PPP2R5A: variants seen among roughly 807,000 people sequenced by gnomAD.
PPP2R5A encodes protein phosphatase 2 regulatory subunit B'alpha.
PPP2R5A carries 25 observed loss-of-function variants against 64.2 expected under a neutral mutation model. The ratio of observed to expected loss-of-function variants is 0.39; its 90% CI spans 0.28 to 0.54. PPP2R5A has a LOEUF of 0.54. PPP2R5A is among the 20% of genes least tolerant of loss of function. PPP2R5A has a pLI of 0.67. For missense variants in PPP2R5A, 425 were observed against 576.3 expected (o/e 0.74, Z 2.69); for synonymous variants, 198 against 201.2 (o/e 0.98, Z 0.13).
At chr1:212,338,786 C>A (rs1209672004) in intron 3 of PPP2R5A, among the ~76,000 whole-genome samples, 5 of 142,520 alleles carry the variant, frequency 3.5e-5, no homozygotes. Flanking sequence ...GACTCTGTCT[C>A]AAAAAAAAAA....
chr1:212,302,140 AG>A, intron 1 of PPP2R5A: 2 of 1,453,204 alleles, frequency 1.4e-6, no homozygotes, highest in Non-Finnish European at 1.9e-6. Context: ...TGAAATCTTG[AG>A]GAGAGAAATG....
intron 1 of PPP2R5A, among the ~76,000 whole-genome samples, chr1:212,290,353 G>T (rs978316961): frequency 7.9e-5 from 12 of 152,184 alleles, no homozygotes; most frequent in African/African-American, 2.9e-4. Flanking sequence ...AAGGTTTATA[G>T]ATCTTCTCAA....
chr1:212,359,537 C>G (rs1485236548), intron 12 of PPP2R5A, among the ~76,000 whole-genome samples: 2 of 152,168 alleles, frequency 1.3e-5, no homozygotes, highest in African/African-American at 4.8e-5. Context: ...ATGTTTATTT[C>G]AAACTCAAGA....
intron 1 of PPP2R5A, among the ~76,000 whole-genome samples, chr1:212,324,561 A>G (rs1275102101): frequency 6.6e-6 from 1 of 151,732 alleles, no homozygotes; most frequent in Non-Finnish European, 1.5e-5. Context: ...ATTTAATTCT[A>G]CCATCAAGGT....
In PPP2R5A at chr1:212,286,023, G is replaced by C. The variant is rs1477574058; in HGVS notation, c.-88G>C. The C allele has an allele frequency of 7.4e-7, 1 of 1,346,530 alleles. No individual in the cohort carries two copies. Among genetic ancestry groups the C allele is most frequent in the Non-Finnish European group, 9.6e-7 (1 of 1,043,402 alleles). The allele number at this position is 1,346,530 out of a possible 1,614,324, so 83.4% of individuals were successfully genotyped here. A position where few individuals can be genotyped will look rare whatever the true frequency, so the allele number is the denominator to read the frequency against. ...GGGCGCAGGGGCGCGAGCACCCCGC[G>C]CCTCTCCCCCGCCTCCTCCTGCCGT... is the stretch of plus-strand genomic sequence containing the variant. On this transcript the variant is annotated 5_prime_UTR_variant, in exon 1 of 13. Transcript: ENST00000261461.
chr1:212,356,559 A>G, intron 8 of PPP2R5A, 67 bp from the exon 9 acceptor site: 1 of 1,441,306 alleles, frequency 6.9e-7, no homozygotes, highest in South Asian at 1.2e-5. Context: ...AATCACAGCT[A>G]TGGAAAATAC....
chr1:212,340,565 A>G (rs1029050032), intron 3 of PPP2R5A, among the ~76,000 whole-genome samples: 1 of 152,212 alleles, frequency 6.6e-6, no homozygotes, highest in Non-Finnish European at 1.5e-5. Context: ...GTATACCCCA[A>G]AGCAAAATTA....
At chr1:212,330,264 A>T (rs1659480545) in intron 2 of PPP2R5A, among the ~76,000 whole-genome samples, 1 of 152,062 alleles carries the variant, frequency 6.6e-6, no homozygotes, top group Non-Finnish European at 1.5e-5. Context: ...TGGCTCGCTT[A>T]TGCTTGTAAA....
chr1:212,338,585 G>A (rs1172162245), intron 3 of PPP2R5A, among the ~76,000 whole-genome samples: 2 of 151,930 alleles, frequency 1.3e-5, no homozygotes, highest in African/African-American at 2.4e-5. Context: ...TCAGGAGTTC[G>A]AGACCAGCCT....
intron 8 of PPP2R5A, among the ~76,000 whole-genome samples, chr1:212,355,068 A>G (rs1054714792): frequency 4.6e-5 from 7 of 152,358 alleles, no homozygotes; most frequent in African/African-American, 1.7e-4. Context: ...GTAGTCTTCT[A>G]TGATCTTCAG....
chr1:212,345,041 T>G (rs1659749427), intron 4 of PPP2R5A, among the ~76,000 whole-genome samples: 1 of 152,046 alleles, frequency 6.6e-6, no homozygotes, highest in Admixed American at 6.6e-5. Flanking sequence ...GGCATGTGCC[T>G]GTAGTCCCAG....
At chr1:212,317,577 ACT>A (rs1402448787) in intron 1 of PPP2R5A, among the ~76,000 whole-genome samples, 1 of 150,990 alleles carries the variant, frequency 6.6e-6, no homozygotes, top group Non-Finnish European at 1.5e-5. Context: ...CGTGCAATAC[ACT>A]CTGATTTTTT....
chr1:212,325,966 A>G, intron 1 of PPP2R5A, among the ~76,000 whole-genome samples: 1 of 152,310 alleles, frequency 6.6e-6, no homozygotes, highest in South Asian at 2.1e-4. Context: ...AATGCACATA[A>G]CCATTTTAAC....
At chr1:212,346,026 G>GA in intron 5 of PPP2R5A, 93 bp downstream of exon 5, 1 of 1,262,672 alleles carries the variant, frequency 7.9e-7, no homozygotes, top group Non-Finnish European at 1.1e-6. Context: ...TTTTGAGACA[G>GA]GGTCTCACTC....
chr1:212,319,499 A>C (rs1659220569), intron 1 of PPP2R5A: 1 of 152,266 alleles, frequency 6.6e-6, no homozygotes, highest in South Asian at 2.1e-4. Context: ...TCATTATGAC[A>C]GACTTCATTT....
chr1:212,300,897 A>G (rs1325530152), intron 1 of PPP2R5A, among the ~76,000 whole-genome samples: 1 of 152,094 alleles, frequency 6.6e-6, no homozygotes, highest in Non-Finnish European at 1.5e-5. Flanking sequence ...AATATTTTAT[A>G]TAATTTCCAG....
intron 1 of PPP2R5A, among the ~76,000 whole-genome samples, chr1:212,301,155 T>C (rs1658793715): frequency 6.6e-6 from 1 of 152,146 alleles, no homozygotes; most frequent in Admixed American, 6.6e-5. Flanking sequence ...GGATTACAGG[T>C]ACGAGCCACC....
chr1:212,317,959 T>TA lies in PPP2R5A; in HGVS notation c.182-11166dup, dbSNP rs899312269. 9.5e-5 allele frequency among the ~76,000 whole-genome samples: 14 copies of TA among 147,750 alleles called. No individual in the cohort carries two copies. In the East Asian group the frequency reaches 9.8e-4, roughly 10 times the overall value. On this transcript the variant is annotated intron_variant, in intron 1 of 12. Transcript: ENST00000261461. ...TGAGACTCAATCTCAAAAAAAAAAT[T>TA]AAAAAAAAAAGTGTGAGCCAAATAT...
rs989901552 is a variant in PPP2R5A at position 212,322,543 on chromosome 1, C to T, written c.182-6592C>T. On this transcript the variant is annotated intron_variant, in intron 1 of 12. Coordinates refer to ENST00000261461, the MANE Select transcript of PPP2R5A (RefSeq NM_006243.4). The stretch of plus-strand genomic sequence containing the variant: ...ATAACTACTATAAAAATGTTTTTGA[C>T]CTATATAAAAATGTTGCATGTCTTG... Among the ~76,000 whole-genome samples, 3 of 151,952 alleles carry T rather than the reference C, an allele frequency of 2.0e-5. No homozygotes were observed. In the East Asian group the frequency reaches 5.8e-4, roughly 29 times the overall value.
Sources: allele counts gnomAD v4.1 joint callset (sites outside exome capture counted in the v4.1 genomes callset), GRCh38; gene constraint gnomAD v4.1.1; transcripts MANE v1.5; gene names NCBI Gene and HGNC (gene_info 2026-07-23, HGNC 2026-07-21).